The following COL15A1 variants were observed in gnomAD, a reference collection of about 807,000 sequenced individuals.
The protein encoded by COL15A1 is collagen alpha-1(XV) chain.
Under a neutral mutation model 165.9 loss-of-function variants are expected in COL15A1, and 111 were observed. The ratio of observed to expected loss-of-function variants is 0.67; its 90% CI spans 0.57 to 0.78. The LOEUF is 0.78. Ranked by LOEUF, COL15A1 falls within the 30% of genes least tolerant of loss-of-function variation. The probability of loss-of-function intolerance (pLI) is 0.00; values close to 1 mark genes in which losing one functional copy is unlikely to be tolerated. For missense variants in COL15A1, 1,745 were observed against 1,789.7 expected (o/e 0.98, Z 0.45); for synonymous variants, 659 against 674.8 (o/e 0.98, Z 0.36).
chr9:99,028,466 C>T (rs936228140), intron 16 of COL15A1, among the ~76,000 whole-genome samples: 7 of 152,072 alleles, frequency 4.6e-5, no homozygotes, highest in Admixed American at 4.6e-4. Context: ...GCCTGACCAA[C>T]ATGGTGGAAC....
intron 22 of COL15A1, 57 bp from the exon 23 acceptor site, chr9:99,040,464 G>A: frequency 6.2e-7 from 1 of 1,613,924 alleles, no homozygotes; most frequent in Non-Finnish European, 8.5e-7. Context: ...AGGGGGTCCT[G>A]CTGACTCTGG....
In COL15A1 at chr9:99,069,910, A is replaced by G. The variant is rs1825957600; in HGVS notation, c.*24A>G. 4 of 1,564,052 alleles carry G rather than the reference A, an allele frequency of 2.6e-6. No individual in the cohort carries two copies. The highest frequency in any genetic ancestry group is 2.6e-6 in the Non-Finnish European group (3 of 1,144,878). ...AATGGCCTTCTGATGATTCTTAAAG[A>G]GTTTTCAATTTTTTCTTATGTGAAG... On this transcript the variant is annotated 3_prime_UTR_variant, in exon 42 of 42. Transcript: ENST00000375001.
chr9:99,018,236 G>C (rs1326216457), intron 11 of COL15A1, among the ~76,000 whole-genome samples: 1 of 152,188 alleles, frequency 6.6e-6, no homozygotes, highest in Non-Finnish European at 1.5e-5. Context: ...TCTACACATT[G>C]CATTTGGTTG....
chr9:98,982,867 C>G (rs1838253241), intron 2 of COL15A1, among the ~76,000 whole-genome samples: 1 of 152,114 alleles, frequency 6.6e-6, no homozygotes, highest in Admixed American at 6.5e-5. Flanking sequence ...CTCCTGGGCT[C>G]AAGTGATCTG....
rs575052748 is a variant in COL15A1 at position 99,011,722 on chromosome 9, T to C, written c.1354-3695T>C. Among the ~76,000 whole-genome samples the C allele has an allele frequency of 1.4e-3, 213 of 152,290 alleles. 1 individual carries two copies. Among genetic ancestry groups the C allele is most frequent in the African/African-American group, 4.8e-3 (200 of 41,580 alleles). On this transcript the variant is annotated intron_variant, in intron 9 of 41. Coordinates refer to ENST00000375001, the MANE Select transcript of COL15A1 (RefSeq NM_001855.5). ...AAATATCTATTATTTAATTTAACTT[T>C]AGATTCTAAATTATGACACATTTGT...
Position 98,944,179 on chromosome 9 carries a change from G to C in COL15A1, c.29G>C (p.Cys10Ser), listed in dbSNP as rs1471720549. Residue 10 changes from cysteine (C) to serine (S), a missense_variant, in exon 2 of 42, where the codon TGC becomes TCC. By Grantham distance (112) the Cys-to-Ser change is moderately radical. Coordinates refer to ENST00000375001, the MANE Select transcript of COL15A1 (RefSeq NM_001855.5). ...TCTTGCAGGAGGAACAACGGGCAGT[G>C]CTGGTGTCTGCTGATGCTGCTCTCG... MAPRRNNGQCWCLLMLLSVS... is the reference protein window; with the variant it reads MAPRRNNGQSWCLLMLLSVS... 6.2e-7 allele frequency: 1 copy of C among 1,614,148 alleles called. No individual in the cohort carries two copies. The highest frequency in any genetic ancestry group is 8.5e-7 in the Non-Finnish European group (1 of 1,179,994).
chr9:99,025,873 T>C, intron 15 of COL15A1, 31 bp from the exon 16 acceptor site: 1 of 1,607,774 alleles, frequency 6.2e-7, no homozygotes, highest in Non-Finnish European at 8.5e-7. Flanking sequence ...AGCAGAAATG[T>C]TGTGGGTTGA....
chr9:99,038,791 A>C, intron 22 of COL15A1, 58 bp downstream of exon 22: 1 of 1,021,996 alleles, frequency 9.8e-7, no homozygotes, highest in Non-Finnish European at 1.6e-6. Flanking sequence ...CTGTTGAAAC[A>C]AAGTCGGGTT....
At chr9:99,017,420 G>A (rs929344502) in intron 11 of COL15A1, among the ~76,000 whole-genome samples, 15 of 152,316 alleles carry the variant, frequency 9.8e-5, no homozygotes, top group African/African-American at 3.4e-4. Context: ...TGGACTGGGG[G>A]CCAGGAGTTC....
intron 2 of COL15A1, among the ~76,000 whole-genome samples, chr9:98,981,822 T>G (rs1345037168): frequency 2.6e-5 from 4 of 152,152 alleles, no homozygotes; most frequent in Non-Finnish European, 4.4e-5. Flanking sequence ...TTATTTTTTT[T>G]AGAGACAGGT....
At chr9:98,955,474 G>T (rs965546891) in intron 2 of COL15A1, among the ~76,000 whole-genome samples, 2 of 152,154 alleles carry the variant, frequency 1.3e-5, no homozygotes, top group African/African-American at 4.8e-5. Context: ...GTTAATGAAT[G>T]AATCATTCAA....
intron 16 of COL15A1, among the ~76,000 whole-genome samples, chr9:99,033,191 G>A (rs1193964404): frequency 6.6e-6 from 1 of 152,194 alleles, no homozygotes; most frequent in Non-Finnish European, 1.5e-5. Context: ...GAGACATGCA[G>A]GGTTCAGGAA....
intron 26 of COL15A1, among the ~76,000 whole-genome samples, chr9:99,046,053 T>C (rs1839486816): frequency 6.6e-6 from 1 of 152,238 alleles, no homozygotes; most frequent in Non-Finnish European, 1.5e-5. Context: ...TATTAACTAC[T>C]GGTTAACCAC....
At chr9:98,990,762 A>C (rs1296372391) in intron 5 of COL15A1, among the ~76,000 whole-genome samples, 1 of 152,192 alleles carries the variant, frequency 6.6e-6, no homozygotes, top group Non-Finnish European at 1.5e-5. Flanking sequence ...AGGGGAAGGA[A>C]GAGAACTGGC....
chr9:99,019,418 T>C (rs1401351583), intron 11 of COL15A1, among the ~76,000 whole-genome samples: 1 of 152,026 alleles, frequency 6.6e-6, no homozygotes, highest in African/African-American at 2.4e-5. Context: ...TTTCACCATG[T>C]TGGCCATGCT....
In COL15A1 at chr9:99,022,093, T is replaced by C. The variant is rs754338665; in HGVS notation, c.1704T>C (p.Gly568=). Residue 568 remains glycine, a splice_region_variant and synonymous_variant, in exon 13 of 42, where the codon GGT becomes GGC. Coordinates refer to ENST00000375001, the MANE Select transcript of COL15A1 (RefSeq NM_001855.5). ...ACTGACCATTTTGTTCTCTTTAGGG[T>C]GATGCTGGGGAGGAGCTTCCTGGCC... ...KGQAGPKGEK[G]DAGEELPGPP... 1 of 1,614,148 alleles carries C rather than the reference T, an allele frequency of 6.2e-7. No individual in the cohort carries two copies. Among genetic ancestry groups the C allele is most frequent in the Admixed American group, 1.7e-5 (1 of 60,034 alleles).
intron 11 of COL15A1, 136 bp from the exon 12 acceptor site, chr9:99,020,253 T>C (rs4743310): frequency 0.12 from 77,663 of 670,832 alleles, 6,294 homozygotes; most frequent in East Asian, 0.35. Flanking sequence ...TTCATGGGGC[T>C]CACTGACTTC....
intron 24 of COL15A1, among the ~76,000 whole-genome samples, chr9:99,043,814 A>T (rs539780844): frequency 6.6e-6 from 1 of 152,286 alleles, no homozygotes; most frequent in South Asian, 2.1e-4. Context: ...TTCTGCACCC[A>T]GTCTTGTTCT....
chr9:98,971,362 C>A (rs1395254619), intron 2 of COL15A1, among the ~76,000 whole-genome samples: 3 of 152,100 alleles, frequency 2.0e-5, no homozygotes, highest in African/African-American at 7.2e-5. Flanking sequence ...AGCTGCCTGC[C>A]GGGTGGGGGT....
Sources: gnomAD v4.1 joint callset for allele counts (sites outside exome capture counted in the v4.1 genomes callset) on GRCh38, gnomAD v4.1.1 for gene constraint, MANE v1.5 for transcripts, NCBI Gene and HGNC (gene_info 2026-07-23, HGNC 2026-07-21) for gene names.